Variants in FHIT observed in about 807,000 individuals in gnomAD.
FHIT encodes fragile histidine triad diadenosine triphosphatase.
In FHIT, 19 loss-of-function variants were observed where a neutral mutation model predicts 17.9. The ratio of observed to expected loss-of-function variants is 1.06; its 90% confidence interval spans 0.74 to 1.56. FHIT has a LOEUF of 1.56. Among genes scored for constraint, FHIT ranks in the 40% most tolerant of loss-of-function variants. The pLI is 0.00. For synonymous variants in FHIT, 81 were observed against 69.7 expected (o/e 1.16, Z -0.81); for missense variants, 248 against 189.2 (o/e 1.31, Z -1.82).
chr3:60,558,416 C>G (rs1324943071), intron 4 of FHIT, among the ~76,000 whole-genome samples: 2 of 151,570 alleles, frequency 1.3e-5, no homozygotes, highest in Non-Finnish European at 2.9e-5. Flanking sequence ...ATGGGTGAAC[C>G]AAGCCAAGCA....
At position 60,101,270 on chromosome 3, in the gene FHIT, T is replaced by C. The variant is rs184492190; in HGVS notation, c.104-87118A>G. 5.3e-5 allele frequency among the ~76,000 whole-genome samples: 8 copies of C among 152,346 alleles called. No homozygotes were observed. The East Asian group carries it at 1.4e-3, about 26-fold the overall frequency. ...ACCTGGCCTGCAAGGCCCTGCATAA[T>C]GTGATGTGGCACTGTACAGATGGCC... is the stretch of plus-strand genomic sequence containing the variant. On this transcript the variant is annotated intron_variant, in intron 5 of 9. Coordinates refer to ENST00000492590, the MANE Select transcript of FHIT (RefSeq NM_002012.4).
intron 8 of FHIT, among the ~76,000 whole-genome samples, chr3:59,754,263 C>T (rs1701083686): frequency 6.6e-6 from 1 of 152,168 alleles, no homozygotes; most frequent in African/African-American, 2.4e-5. Context: ...GCCACAGATA[C>T]ATTTATGAGG....
At chr3:60,277,878 A>G (rs1363071516) in intron 5 of FHIT, among the ~76,000 whole-genome samples, 1 of 152,150 alleles carries the variant, frequency 6.6e-6, no homozygotes, top group Non-Finnish European at 1.5e-5. Context: ...AGCCAATGAC[A>G]CTGCTTCACT....
At chr3:60,774,375 A>G (rs1054302911) in intron 4 of FHIT, among the ~76,000 whole-genome samples, 7 of 152,164 alleles carry the variant, frequency 4.6e-5, no homozygotes, top group Non-Finnish European at 1.0e-4. Flanking sequence ...ATCTCAGCTC[A>G]CTGCAACCTC....
At chr3:60,814,212 C>T (rs1447922) in intron 4 of FHIT, among the ~76,000 whole-genome samples, 3 of 152,058 alleles carry the variant, frequency 2.0e-5, no homozygotes, top group African/African-American at 7.2e-5. Flanking sequence ...ATTTTTTCAA[C>T]TTTCATTTTA....
intron 7 of FHIT, among the ~76,000 whole-genome samples, chr3:59,965,399 C>T: frequency 6.6e-6 from 1 of 152,106 alleles, no homozygotes; most frequent in Non-Finnish European, 1.5e-5. Context: ...TTCTTGCTTG[C>T]TTTCTACAGT....
At position 59,749,357 on chromosome 3, in the gene FHIT, CAG is replaced by C. The variant is rs1218193962; in HGVS notation, c.*226_*227del. ...ATCATAAGGCTGCCGAATAAGGAGACAGGGGGAAACCTCAAATCTGCCTGTCT... is the reference window on the plus strand; with the variant it reads ...ATCATAAGGCTGCCGAATAAGGAGACGGGGAAACCTCAAATCTGCCTGTCT... On this transcript the variant is annotated 3_prime_UTR_variant, in exon 10 of 10. Transcript: ENST00000492590. 2.2e-5 allele frequency: 5 copies of C among 230,718 alleles called. No homozygotes were observed. Among genetic ancestry groups the C allele is most frequent in the South Asian group, 1.8e-4 (1 of 5,472 alleles). 14.3% of individuals were successfully genotyped at this position (230,718 alleles called of 1,614,324 possible).
At chr3:60,701,123 CTTT>C (rs11425787) in intron 4 of FHIT, among the ~76,000 whole-genome samples, 4 of 132,612 alleles carry the variant, frequency 3.0e-5, no homozygotes, top group Admixed American at 7.7e-5. Context: ...TGAAAAGACC[CTTT>C]TTTTTTTTTT....
At chr3:60,636,545 A>T (rs1308855742) in intron 4 of FHIT, among the ~76,000 whole-genome samples, 1 of 152,186 alleles carries the variant, frequency 6.6e-6, no homozygotes, top group Non-Finnish European at 1.5e-5. Flanking sequence ...CCTATGTAGT[A>T]AGAGAAAATA....
At chr3:59,953,820 T>C (rs190863770) in intron 7 of FHIT, among the ~76,000 whole-genome samples, 18 of 152,328 alleles carry the variant, frequency 1.2e-4, no homozygotes, top group Non-Finnish European at 2.1e-4. Context: ...TGCAAACAGG[T>C]AGCATCCTGT....
At chr3:60,129,173 C>T (rs866354191) in intron 5 of FHIT, among the ~76,000 whole-genome samples, 11 of 151,566 alleles carry the variant, frequency 7.3e-5, no homozygotes, top group Admixed American at 4.6e-4. Flanking sequence ...CTGCCTCAGC[C>T]TCCCAAGTAG....
intron 7 of FHIT, among the ~76,000 whole-genome samples, chr3:59,960,483 G>C (rs1407013411): frequency 4.7e-5 from 7 of 149,098 alleles, no homozygotes; most frequent in African/African-American, 1.3e-4. Flanking sequence ...AATACCTTTT[G>C]GGCATCCTAG....
At chr3:59,994,707 A>C (rs556951886) in intron 7 of FHIT, among the ~76,000 whole-genome samples, 1 of 152,154 alleles carries the variant, frequency 6.6e-6, no homozygotes, top group East Asian at 1.9e-4. Flanking sequence ...CTTTCCATAA[A>C]GCTGTGTGGT....
intron 5 of FHIT, among the ~76,000 whole-genome samples, chr3:60,343,793 C>A (rs539439580): frequency 1.3e-5 from 2 of 152,278 alleles, no homozygotes; most frequent in East Asian, 3.9e-4. Context: ...GTCTTTACTT[C>A]TCCTTTAAAA....
At chr3:60,032,104 TAAAG>T (rs1450551152) in intron 5 of FHIT, among the ~76,000 whole-genome samples, 3 of 152,248 alleles carry the variant, frequency 2.0e-5, no homozygotes, top group African/African-American at 4.8e-5. Flanking sequence ...TAATATGTAA[TAAAG>T]AAATGCATAA....
chr3:60,929,959 A>G (rs1337362033), intron 3 of FHIT, among the ~76,000 whole-genome samples: 1 of 152,228 alleles, frequency 6.6e-6, no homozygotes, highest in Non-Finnish European at 1.5e-5. Flanking sequence ...CTGACTTCAA[A>G]CTATACTACA....
In FHIT at chr3:60,263,917, GT is replaced by G. The variant is rs143870387; in HGVS notation, c.104-249766del. On this transcript the variant is annotated intron_variant, in intron 5 of 9. Transcript: ENST00000492590. ...GGAAACTGGTCTGGAGAAAGTGAGT[GT>G]TTTTTTTTTTAAATGAAAAGATTTT... Among the ~76,000 whole-genome samples the G allele has an allele frequency of 6.6e-4, 96 of 145,490 alleles. 1 individual carries two copies. The highest frequency in any genetic ancestry group is 1.3e-3 in the African/African-American group (51 of 39,952).
intron 3 of FHIT, among the ~76,000 whole-genome samples, chr3:60,953,913 CTT>C (rs146414522): frequency 0.021 from 3,255 of 152,260 alleles, 82 homozygotes; most frequent in African/African-American, 0.058. Context: ...AGTTTAAACT[CTT>C]TTGTTTTCAG....
chr3:60,744,268 CAAA>C (rs374691493), intron 4 of FHIT, among the ~76,000 whole-genome samples: 3,770 of 79,912 alleles, frequency 0.047, 191 homozygotes, highest in African/African-American at 0.098. Flanking sequence ...CAAAACAAAA[CAAA>C]AAAAAAAAAA....
Sources: gnomAD v4.1 joint callset for allele counts (sites outside exome capture counted in the v4.1 genomes callset) on GRCh38, gnomAD v4.1.1 for gene constraint, MANE v1.5 for transcripts, NCBI Gene and HGNC (gene_info 2026-07-23, HGNC 2026-07-21) for gene names.